Variants in ATP5PD observed in about 807,000 individuals in gnomAD.
The protein encoded by ATP5PD is ATP synthase peripheral stalk subunit d, also known as ATP synthase peripheral stalk subunit d, mitochondrial.
In ATP5PD, 13 loss-of-function variants were observed where a neutral mutation model predicts 22.6. That is an observed-to-expected ratio of 0.58 (90% confidence interval 0.37 to 0.91). The LOEUF (loss-of-function observed/expected upper bound fraction) is 0.91. Ranked by LOEUF, ATP5PD falls within the 40% of genes least tolerant of loss-of-function variation. The pLI, the probability that ATP5PD is intolerant of heterozygous loss-of-function variation, is 0.00. For synonymous variants in ATP5PD, 51 were observed against 65.0 expected, an observed-to-expected ratio of 0.79 and a Z score of 1.03; for missense variants, 165 against 188.0, an observed-to-expected ratio of 0.88 and a Z score of 0.72.
rs189123963 is a variant in ATP5PD, at chr17:75,040,470, G to A, written c.220-307C>T. 225 of 388,252 alleles carry A rather than the reference G, an allele frequency of 5.8e-4. 1 individual carries two copies. Among genetic ancestry groups the A allele is most frequent in the African/African-American group, 4.5e-3 (215 of 48,250 alleles). The allele number at this position is 388,252 out of a possible 1,614,324, so 24.1% of individuals were successfully genotyped here. A position where few individuals can be genotyped will look rare whatever the true frequency, so the allele number is the denominator to read the frequency against. On this transcript the variant is annotated intron_variant, in intron 3 of 5. Coordinates refer to ENST00000301587, the MANE Select transcript of ATP5PD (RefSeq NM_006356.3). ...TCTGAAAAGGACAGCTGGACTTGAT[G>A]ACCAAAAAATGGCCTCTTAGCACCT...
Position 75,040,106 on chromosome 17 carries a change from C to T in ATP5PD, c.277G>A (p.Glu93Lys), listed in dbSNP as rs747765218. ...EDKYTAQVDA[E>K]EKEDVKSCAE... Reference sequence around the variant, plus strand: ...CAACTACTTACATCTTCTTTTTCTTCGGCATCCACCTGGGCAGTATATTTA... The same window carrying T: ...CAACTACTTACATCTTCTTTTTCTTTGGCATCCACCTGGGCAGTATATTTA... The change falls in exon 4 of 6, where the codon GAA (glutamate) becomes AAA (lysine). Residue 93 changes from glutamate to lysine, a missense_variant. Glu to Lys is a moderately conservative substitution (Grantham distance 56). Transcript: ENST00000301587. 1.2e-5 allele frequency: 19 copies of T among 1,613,070 alleles called. No individual in the cohort carries two copies. Among genetic ancestry groups the T allele is most frequent in the East Asian group, 2.2e-5 (1 of 44,866 alleles).
intron 1 of ATP5PD, among the ~76,000 whole-genome samples, chr17:75,046,713 G>A (rs1302871899): frequency 6.6e-6 from 1 of 152,240 alleles, no homozygotes; most frequent in Non-Finnish European, 1.5e-5. Context: ...CTGGGACACA[G>A]CCGGGCCCCC....
At chr17:75,042,062 A>G (rs753309178) in intron 3 of ATP5PD, 119 bp downstream of exon 3, 2 of 858,468 alleles carry the variant, frequency 2.3e-6, no homozygotes, top group South Asian at 1.8e-5. Context: ...GGCCATACGC[A>G]TCCTTCCTAA....
intron 1 of ATP5PD, among the ~76,000 whole-genome samples, chr17:75,046,471 T>G (rs146157441): frequency 5.3e-5 from 8 of 152,312 alleles, no homozygotes; most frequent in African/African-American, 1.7e-4. Flanking sequence ...GAATCTTTCT[T>G]GAATGAGTAA....
intron 1 of ATP5PD, among the ~76,000 whole-genome samples, chr17:75,046,094 T>A (rs948203268): frequency 7.2e-5 from 11 of 152,204 alleles, no homozygotes; most frequent in Non-Finnish European, 1.0e-4. Context: ...TGTGTGTGTG[T>A]GTGAGTGAGA....
intron 1 of ATP5PD, among the ~76,000 whole-genome samples, chr17:75,044,484 C>T (rs1314247649): frequency 1.2e-5 from 1 of 82,952 alleles, no homozygotes; most frequent in Non-Finnish European, 2.0e-5. Flanking sequence ...GGATTATAGG[C>T]GTGAGCCACC....
At chr17:75,045,264 G>A (rs1025405710) in intron 1 of ATP5PD, among the ~76,000 whole-genome samples, 8 of 152,246 alleles carry the variant, frequency 5.3e-5, no homozygotes, top group South Asian at 2.1e-4. Flanking sequence ...CACAAGGCAA[G>A]TGGAGGCAGG....
intron 4 of ATP5PD, chr17:75,039,851 C>T (rs559243791): frequency 3.8e-6 from 2 of 521,430 alleles, no homozygotes; most frequent in Non-Finnish European, 6.8e-6. Context: ...TGTAGACAAA[C>T]TACATTTTCT....
At chr17:75,043,884 C>T (rs906941544) in intron 1 of ATP5PD, among the ~76,000 whole-genome samples, 2 of 151,900 alleles carry the variant, frequency 1.3e-5, no homozygotes, top group Middle Eastern at 3.2e-3. Flanking sequence ...AAAAGTGTCA[C>T]ATGAAATTGT....
At chr17:75,045,891 C>G (rs995879185) in intron 1 of ATP5PD, among the ~76,000 whole-genome samples, 15 of 152,280 alleles carry the variant, frequency 9.9e-5, no homozygotes. Flanking sequence ...TCCATGAAAT[C>G]TCTACAATTT....
At chr17:75,044,461 TCCCAAAGTGCTGGG>T (rs1270645390) in intron 1 of ATP5PD, among the ~76,000 whole-genome samples, 1 of 101,340 alleles carries the variant, frequency 9.9e-6, no homozygotes, top group Non-Finnish European at 1.7e-5. Flanking sequence ...CGCCTCGGCC[TCCCAAAGTGCTGGG>T]ATTATAGGCG....
At chr17:75,042,128 C>A in intron 3 of ATP5PD, 53 bp downstream of exon 3, 1 of 1,490,666 alleles carries the variant, frequency 6.7e-7, no homozygotes, top group South Asian at 1.2e-5. Flanking sequence ...TGTTCCTGCT[C>A]CCTACCCACA....
Position 75,039,020 on chromosome 17 carries a change from AT to A in ATP5PD, c.397del (p.Ile133LeufsTer4). 6.2e-7 allele frequency: 1 copy of A among 1,614,180 alleles called. No individual in the cohort carries two copies. The highest frequency in any genetic ancestry group is 8.5e-7 in the Non-Finnish European group (1 of 1,180,000). ...KNLIPFDQMT[I>X]EDLNEAFPET... ...TGGGAAAGCTTCATTCAAGTCCTCA[AT>A]GGTCATCTGATCAAATGGAATTAAG... On this transcript the variant is annotated frameshift_variant, in exon 6 of 6. Transcript: ENST00000301587. LOFTEE classifies it high-confidence loss of function.
At chr17:75,043,085 G>C (rs901418620) in intron 1 of ATP5PD, among the ~76,000 whole-genome samples, 2 of 151,562 alleles carry the variant, frequency 1.3e-5, no homozygotes, top group African/African-American at 4.9e-5. Context: ...AGCCAGCCGT[G>C]GTGGCCCGCG....
chr17:75,043,368 T>C (rs1016667769), intron 1 of ATP5PD, among the ~76,000 whole-genome samples: 1 of 152,058 alleles, frequency 6.6e-6, no homozygotes, highest in Non-Finnish European at 1.5e-5. Context: ...TCCCAGCACT[T>C]TGGGAGGCTG....
chr17:75,043,599 G>A (rs1432150121), intron 1 of ATP5PD, among the ~76,000 whole-genome samples: 2 of 141,744 alleles, frequency 1.4e-5, no homozygotes, highest in African/African-American at 5.5e-5. Flanking sequence ...GACACAGAGT[G>A]AGACTCTGTC....
intron 1 of ATP5PD, among the ~76,000 whole-genome samples, chr17:75,046,544 G>C (rs1359990414): frequency 1.3e-5 from 2 of 152,254 alleles, no homozygotes; most frequent in Non-Finnish European, 2.9e-5. Flanking sequence ...AGCTGCCGAA[G>C]GGGAAGGGCG....
At position 75,042,000 on chromosome 17, in the gene ATP5PD, C is replaced by T. The variant is rs960068521; in HGVS notation, c.219+181G>A. The T allele has an allele frequency of 5.4e-6, 3 of 560,160 alleles. No homozygotes were observed. In the Admixed American group the frequency reaches 1.0e-4, roughly 19 times the overall value. The allele number at this position is 560,160 out of a possible 1,614,324, so 34.7% of individuals were successfully genotyped here. A position where few individuals can be genotyped will look rare whatever the true frequency, so the allele number is the denominator to read the frequency against. On this transcript the variant is annotated intron_variant, in intron 3 of 5. Coordinates refer to ENST00000301587, the MANE Select transcript of ATP5PD (RefSeq NM_006356.3). ...AGGCTACACTCTACTGCTGAATGAA[C>T]AGAGCCTAAATTCCTGCACCTATTT...
intron 1 of ATP5PD, among the ~76,000 whole-genome samples, chr17:75,043,682 A>C (rs1257508212): frequency 1.3e-5 from 2 of 152,102 alleles, no homozygotes; most frequent in Non-Finnish European, 1.5e-5. Context: ...ATTACTAAAA[A>C]TAACACTCTT....
Sources: allele counts gnomAD v4.1 joint callset (sites outside exome capture counted in the v4.1 genomes callset), GRCh38; gene constraint gnomAD v4.1.1; transcripts MANE v1.5; gene names NCBI Gene and HGNC (gene_info 2026-07-23, HGNC 2026-07-21).